The following NHSL1 variants were observed in gnomAD, a reference collection of about 807,000 sequenced individuals.
NHSL1 encodes NHS like 1, also known as NHS-like protein 1.
A neutral mutation model predicts 95.0 loss-of-function variants in NHSL1; 48 were observed. That is an observed-to-expected ratio of 0.51 (90% CI 0.40 to 0.64). The LOEUF is 0.64. NHSL1 is among the 30% of genes least tolerant of loss of function. The pLI is 0.00. For synonymous variants in NHSL1, 783 were observed against 833.9 expected (o/e 0.94, Z 1.05); for missense variants, 1,971 against 2,077.7 (o/e 0.95, Z 1.00).
chr6:138,449,982 T>C (rs1777124211), intron 3 of NHSL1, among the ~76,000 whole-genome samples: 1 of 152,234 alleles, frequency 6.6e-6, no homozygotes, highest in South Asian at 2.1e-4. Flanking sequence ...TGTTGGTGTC[T>C]TGTAATACTA....
At chr6:138,590,453 A>G (rs1392822483) in intron 1 of NHSL1, among the ~76,000 whole-genome samples, 1 of 152,134 alleles carries the variant, frequency 6.6e-6, no homozygotes, top group African/African-American at 2.4e-5. Flanking sequence ...TCACTCCCTG[A>G]GGAAAGCCCC....
At chr6:138,545,528 T>C (rs1278995387) in intron 1 of NHSL1, 2 of 936,690 alleles carry the variant, frequency 2.1e-6, no homozygotes, top group South Asian at 1.4e-5. Flanking sequence ...CTTTGATTTT[T>C]ACTGGAATCA....
chr6:138,453,567 G>A (rs913775287), intron 3 of NHSL1, among the ~76,000 whole-genome samples: 5 of 151,782 alleles, frequency 3.3e-5, no homozygotes, highest in African/African-American at 1.2e-4. Flanking sequence ...ATTTTTTTGA[G>A]ACAGGGTCTC....
chr6:138,557,604 T>C (rs142177133), intron 1 of NHSL1, among the ~76,000 whole-genome samples: 3 of 152,350 alleles, frequency 2.0e-5, no homozygotes, highest in African/African-American at 4.8e-5. Flanking sequence ...TCAGCGGCCA[T>C]CAGGGCATCA....
Position 138,692,190 on chromosome 6 carries a change from A to C in NHSL1, c.96+286T>G. On this transcript the variant is annotated intron_variant, in intron 1 of 3. Coordinates refer to the NHSL1 transcript ENST00000491526. This position sits in a 1 kb window ranked among gnomAD's most constrained non-coding sequence, Gnocchi z 4.0. ...CCCGGGGTCTCCCAAACAGACAGAC[A>C]CAGACAGACAGAAGGAGCAGACAAG... The C allele has an allele frequency of 2.2e-6, 1 of 456,506 alleles. No homozygotes were observed. Among genetic ancestry groups the C allele is most frequent in the Non-Finnish European group, 4.4e-6 (1 of 226,802 alleles). 28.3% of individuals were successfully genotyped at this position (456,506 alleles called of 1,614,324 possible). A position where few individuals can be genotyped will look rare whatever the true frequency, so the allele number is the denominator to read the frequency against.
chr6:138,582,711 G>A (rs1562382446), intron 1 of NHSL1, among the ~76,000 whole-genome samples: 1 of 152,266 alleles, frequency 6.6e-6, no homozygotes, highest in East Asian at 1.9e-4. Context: ...TTTTGGCTGT[G>A]CACCTTCAAT....
intron 2 of NHSL1, among the ~76,000 whole-genome samples, chr6:138,492,676 A>T (rs1053235531): frequency 6.6e-6 from 1 of 152,138 alleles, no homozygotes; most frequent in Admixed American, 6.5e-5. Context: ...ATTTATTGAT[A>T]CTCGCTGTGT....
chr6:138,659,270 G>C (rs903197263), intron 1 of NHSL1, among the ~76,000 whole-genome samples: 1 of 151,684 alleles, frequency 6.6e-6, no homozygotes, highest in Non-Finnish European at 1.5e-5. Context: ...GGCTGGTCTC[G>C]AACTCCTGAC....
At chr6:138,683,065 C>T (rs890682212) in intron 1 of NHSL1, among the ~76,000 whole-genome samples, 3 of 152,166 alleles carry the variant, frequency 2.0e-5, no homozygotes, top group African/African-American at 4.8e-5. Flanking sequence ...CCAGTTCCCA[C>T]GGCAGGAGGA....
At chr6:138,649,437 A>C (rs1224161493) in intron 1 of NHSL1, among the ~76,000 whole-genome samples, 1 of 150,300 alleles carries the variant, frequency 6.7e-6, no homozygotes, top group Non-Finnish European at 1.5e-5. Flanking sequence ...AAAAAAAAAA[A>C]CCAGGGAATT....
intron 5 of NHSL1, among the ~76,000 whole-genome samples, chr6:138,436,790 A>G (rs1268969545): frequency 6.6e-6 from 1 of 152,218 alleles, no homozygotes; most frequent in Non-Finnish European, 1.5e-5. Context: ...GTTGAAGCCA[A>G]TGCTCTTTTA....
At chr6:138,558,421 C>CTTT (rs78914887) in intron 1 of NHSL1, among the ~76,000 whole-genome samples, 3 of 121,960 alleles carry the variant, frequency 2.5e-5, no homozygotes, top group African/African-American at 6.1e-5. Flanking sequence ...TGTGCCCACC[C>CTTT]TTTTTTTTTT....
intron 3 of NHSL1, among the ~76,000 whole-genome samples, chr6:138,456,619 T>G (rs1426151475): frequency 6.6e-6 from 1 of 152,180 alleles, no homozygotes; most frequent in African/African-American, 2.4e-5. Flanking sequence ...ACAATGGGGA[T>G]TCTGTGAAGG....
Position 138,473,308 on chromosome 6 carries a change from T to C in NHSL1, c.337A>G (p.Lys113Glu), listed in dbSNP as rs1473771462. The change falls in exon 3 of 8, where the codon AAG becomes GAG. Residue 113 changes from lysine (K) to glutamate (E), a missense_variant and splice_region_variant. Physicochemically the swap from Lys to Glu is moderately conservative, Grantham distance 56 (BLOSUM62 1). Around this residue, in one of 3 missense-constraint regions of NHSL1, gnomAD observed 1,602 missense variants for 1,654.5 expected, o/e 0.97. Transcript: ENST00000343505. ...YQDEDEETDQ[K>E]CSLSSSEEER... Reference sequence around the variant, plus strand: ...CCGTGTTGAACTTTGAAGCTTACCTTTTGATCTGTTTCTTCATCTTCATCT... The same window carrying C: ...CCGTGTTGAACTTTGAAGCTTACCTCTTGATCTGTTTCTTCATCTTCATCT... 1 of 1,540,984 alleles carries C rather than the reference T, an allele frequency of 6.5e-7. No individual in the cohort carries two copies. The highest frequency in any genetic ancestry group is 2.1e-5 in the Admixed American group (1 of 48,622).
At chr6:138,498,802 A>G (rs575424743) in intron 1 of NHSL1, among the ~76,000 whole-genome samples, 2 of 152,308 alleles carry the variant, frequency 1.3e-5, no homozygotes, top group East Asian at 3.9e-4. Context: ...TATGTGATAC[A>G]TTACACAGAG....
chr6:138,437,088 A>G (rs555593944), intron 5 of NHSL1, among the ~76,000 whole-genome samples: 89 of 152,128 alleles, frequency 5.9e-4, no homozygotes, highest in African/African-American at 2.0e-3. Context: ...CCTGAACAAC[A>G]TAAAGAAACC....
At position 138,593,397 on chromosome 6, in the gene NHSL1, G is replaced by C. The variant is rs141191635; in HGVS notation, c.97-97026C>G. ...TCCGTTTCCTCTCACTGTTCCAAATGCTGGGCTTTGGTAGCACAGAGTTCA... is the reference window on the plus strand; with the variant it reads ...TCCGTTTCCTCTCACTGTTCCAAATCCTGGGCTTTGGTAGCACAGAGTTCA... On this transcript the variant is annotated intron_variant, in intron 1 of 3. Coordinates refer to the NHSL1 transcript ENST00000491526. 4.5e-3 allele frequency among the ~76,000 whole-genome samples: 686 copies of C among 152,320 alleles called. 6 individuals carry two copies. The highest frequency in any genetic ancestry group is 0.015 in the African/African-American group (607 of 41,578).
At chr6:138,520,811 A>G (rs1043203969) in intron 1 of NHSL1, among the ~76,000 whole-genome samples, 2 of 152,212 alleles carry the variant, frequency 1.3e-5, no homozygotes, top group African/African-American at 4.8e-5. Context: ...TGCATGGACA[A>G]GTAAAAGTAG....
At chr6:138,494,113 G>A (rs1041803970) in intron 2 of NHSL1, among the ~76,000 whole-genome samples, 4 of 152,186 alleles carry the variant, frequency 2.6e-5, no homozygotes, top group African/African-American at 4.8e-5. Context: ...GTTCTGTTCA[G>A]AACACCAAAT....
Sources: allele counts gnomAD v4.1 joint callset (sites outside exome capture counted in the v4.1 genomes callset), GRCh38; gene constraint gnomAD v4.1.1; regional missense constraint gnomAD v4.1.1; non-coding constraint Gnocchi (gnomAD v3.1); transcripts MANE v1.5; gene names NCBI Gene and HGNC (gene_info 2026-07-23, HGNC 2026-07-21).